Variants in PTPRQ observed in about 807,000 individuals in gnomAD.
PTPRQ encodes the protein phosphatidylinositol phosphatase PTPRQ.
PTPRQ carries 199 observed loss-of-function variants against 246.0 expected under a neutral mutation model. That is an observed-to-expected ratio of 0.81 (90% CI 0.72 to 0.91). The LOEUF is 0.91. Among genes scored for constraint, PTPRQ ranks in the 40% least tolerant of loss-of-function variants. The pLI is 0.00. For missense variants in PTPRQ, 2,624 were observed against 2,528.4 expected (o/e 1.04, Z -0.81); for synonymous variants, 869 against 853.2 (o/e 1.02, Z -0.32).
intron 26 of PTPRQ, among the ~76,000 whole-genome samples, chr12:80,591,120 C>CATT (rs1897785389): frequency 1.3e-5 from 1 of 77,402 alleles, no homozygotes; most frequent in African/African-American, 5.7e-5. Context: ...TTGATCATTG[C>CATT]TTTTTTTTTT....
rs1372370685 is a variant in PTPRQ at position 80,632,172 on chromosome 12, C to G, written c.5687-20C>G. On this transcript the variant is annotated intron_variant, in intron 33 of 44. Coordinates refer to ENST00000644991, the MANE Select transcript of PTPRQ (RefSeq NM_001145026.2). ...GATTCCATAATAATATTTAATGATC[C>G]TGTTATCCCTCTTCTCCAGGGGAAG... is the stretch of plus-strand genomic sequence containing the variant. 1.3e-6 allele frequency: 2 copies of G among 1,541,796 alleles called. No homozygotes were observed. Among genetic ancestry groups the G allele is most frequent in the South Asian group, 2.5e-5 (2 of 81,098 alleles).
chr12:80,491,201 T>C lies in PTPRQ; in HGVS notation c.1360-2074T>C, dbSNP rs1190998538. On this transcript the variant is annotated intron_variant, in intron 9 of 44. Transcript: ENST00000644991. Reference sequence around the variant, plus strand: ...AATTTGTCTGACATGGGATAGAAAATATTGAGAGATTTAATGCAAAACCAT... The same window carrying C: ...AATTTGTCTGACATGGGATAGAAAACATTGAGAGATTTAATGCAAAACCAT... Among the ~76,000 whole-genome samples the C allele has an allele frequency of 2.6e-5, 4 of 152,000 alleles. No individual in the cohort carries two copies. The East Asian group carries it at 5.8e-4, about 22-fold the overall frequency.
chr12:80,611,506 G>A lies in PTPRQ; in HGVS notation c.4918+881G>A, dbSNP rs1275175803. On this transcript the variant is annotated intron_variant, in intron 28 of 44. Transcript: ENST00000644991. ...CCTAAAATTCCATTTGTTCCTATTCGTCTGCCAAGTATCACAGGTATCTAT... is the reference window on the plus strand; with the variant it reads ...CCTAAAATTCCATTTGTTCCTATTCATCTGCCAAGTATCACAGGTATCTAT... Among the ~76,000 whole-genome samples the A allele has an allele frequency of 6.0e-5, 9 of 149,970 alleles. 1 individual carries two copies. The highest frequency in any genetic ancestry group is 2.0e-4 in the East Asian group (1 of 5,112).
intron 18 of PTPRQ, 32 bp from the exon 19 acceptor site, chr12:80,534,860 T>G: frequency 6.5e-7 from 1 of 1,540,684 alleles, no homozygotes; most frequent in Non-Finnish European, 8.7e-7. Context: ...TAAACACAAA[T>G]ACAGTAATTT....
chr12:80,672,761 A>G (rs1005047573), intron 42 of PTPRQ, among the ~76,000 whole-genome samples: 6 of 152,146 alleles, frequency 3.9e-5, no homozygotes, highest in Admixed American at 3.9e-4. Flanking sequence ...AACAAAGAAA[A>G]TGCTATATAA....
At chr12:80,562,755 A>G (rs1403161288) in intron 25 of PTPRQ, among the ~76,000 whole-genome samples, 1 of 152,188 alleles carries the variant, frequency 6.6e-6, no homozygotes, top group Non-Finnish European at 1.5e-5. Flanking sequence ...AACCATGCAG[A>G]AGGCAGGGAA....
chr12:80,640,297 C>T (rs922563563), intron 35 of PTPRQ, among the ~76,000 whole-genome samples: 10 of 152,060 alleles, frequency 6.6e-5, no homozygotes, highest in East Asian at 1.9e-4. Flanking sequence ...TTTATTTTGG[C>T]TTCAATAATA....
chr12:80,629,391 G>C (rs927132881), intron 33 of PTPRQ, among the ~76,000 whole-genome samples: 6 of 152,134 alleles, frequency 3.9e-5, no homozygotes, highest in Non-Finnish European at 5.9e-5. Flanking sequence ...CATTGAGAAG[G>C]TATTTCAGCA....
chr12:80,495,900 C>G (rs752750837), intron 12 of PTPRQ, 99 bp from the exon 13 acceptor site: 4 of 1,340,860 alleles, frequency 3.0e-6, no homozygotes, highest in Non-Finnish European at 4.0e-6. Flanking sequence ...GATATCTAGT[C>G]CCCCGTATAA....
intron 38 of PTPRQ, among the ~76,000 whole-genome samples, chr12:80,656,487 A>G (rs1303041197): frequency 2.0e-5 from 3 of 152,114 alleles, no homozygotes; most frequent in Non-Finnish European, 4.4e-5. Context: ...CCTTGAAAAC[A>G]AACAACCCAT....
In PTPRQ at chr12:80,632,233, G is replaced by A. The variant is rs149569400; in HGVS notation, c.5728G>A (p.Val1910Ile). The change falls in exon 34 of 45, where the codon GTC becomes ATC. Residue 1910 changes from valine to isoleucine, a missense_variant. Coordinates refer to ENST00000644991, the MANE Select transcript of PTPRQ (RefSeq NM_001145026.2). The stretch of plus-strand genomic sequence containing the variant: ...AAGAACCGTAGAGATCATTCTTTCC[G>A]TCACTTTGTGTATCCTTTCAATAAT... ...SERTVEIILS[V>I]TLCILSIILL... The A allele has an allele frequency of 2.0e-4, 313 of 1,551,336 alleles. No homozygotes were observed. In the African/African-American group the frequency reaches 3.1e-3, roughly 16 times the overall value.
rs566258374 is a variant in PTPRQ at position 80,567,290 on chromosome 12, C to T, written c.4285+17556C>T. Among the ~76,000 whole-genome samples the T allele has an allele frequency of 4.6e-5, 7 of 152,258 alleles. No individual in the cohort carries two copies. In the East Asian group the frequency reaches 1.4e-3, roughly 29 times the overall value. On this transcript the variant is annotated intron_variant, in intron 25 of 44. Coordinates refer to ENST00000644991, the MANE Select transcript of PTPRQ (RefSeq NM_001145026.2). ...TTTAATTTCTATATACATGCATAAC[C>T]TGTGACTTGTTTTGAGTATTATTTG...
chr12:80,509,317 A>G (rs1895056022), intron 16 of PTPRQ, among the ~76,000 whole-genome samples: 1 of 152,090 alleles, frequency 6.6e-6, no homozygotes, highest in South Asian at 2.1e-4. Flanking sequence ...TTATTCAGAG[A>G]AGTAAAAAAG....
intron 3 of PTPRQ, among the ~76,000 whole-genome samples, chr12:80,448,164 T>A (rs1892612030): frequency 6.6e-6 from 1 of 152,146 alleles, no homozygotes; most frequent in Admixed American, 6.6e-5. Context: ...TAAATGGGAT[T>A]GAATTCTTGA....
At chr12:80,445,043 A>G (rs1044095908) in intron 2 of PTPRQ, among the ~76,000 whole-genome samples, 194 bp downstream of exon 2, 3 of 151,942 alleles carry the variant, frequency 2.0e-5, no homozygotes, top group Admixed American at 2.0e-4. Context: ...TTTACTTTCA[A>G]AGTGCAAAGA....
intron 30 of PTPRQ, 41 bp from the exon 31 acceptor site, chr12:80,619,340 AAAC>A: frequency 6.6e-7 from 1 of 1,520,668 alleles, no homozygotes; most frequent in Non-Finnish European, 8.8e-7. Flanking sequence ...TTTGTTGATG[AAAC>A]AATAACATCA....
chr12:80,512,481 G>C (rs1895152306), intron 17 of PTPRQ, among the ~76,000 whole-genome samples: 1 of 152,122 alleles, frequency 6.6e-6, no homozygotes, highest in Non-Finnish European at 1.5e-5. Context: ...TCTATTTATA[G>C]TTCCAAAATG....
chr12:80,482,124 A>G (rs898122886), intron 8 of PTPRQ, among the ~76,000 whole-genome samples: 54 of 152,054 alleles, frequency 3.6e-4, no homozygotes, highest in African/African-American at 1.3e-3. Flanking sequence ...ACTTTAAACT[A>G]TACTACAAGG....
At chr12:80,659,055 T>C (rs778705077) in intron 39 of PTPRQ, among the ~76,000 whole-genome samples, 5 of 152,090 alleles carry the variant, frequency 3.3e-5, no homozygotes, top group African/African-American at 4.8e-5. Context: ...TATTGGGTCC[T>C]GTTGTCAAAG....
Sources: gnomAD v4.1 joint callset for allele counts (sites outside exome capture counted in the v4.1 genomes callset) on GRCh38, gnomAD v4.1.1 for gene constraint, MANE v1.5 for transcripts, NCBI Gene and HGNC (gene_info 2026-07-23, HGNC 2026-07-21) for gene names.